The following CLASP1 variants were observed in gnomAD, a reference collection of about 807,000 sequenced individuals.
CLASP1 encodes the protein cytoplasmic linker associated protein 1.
A neutral mutation model predicts 192.3 loss-of-function variants in CLASP1; 38 were observed. That is an observed-to-expected ratio of 0.20 (90% CI 0.15 to 0.26). CLASP1 has a LOEUF of 0.26. CLASP1 is among the 10% of genes least tolerant of loss of function. The pLI is 1.00. For missense variants in CLASP1, 1,433 were observed against 1,932.5 expected, an observed-to-expected ratio of 0.74 and a Z score of 4.85; for synonymous variants, 691 against 712.8, an observed-to-expected ratio of 0.97 and a Z score of 0.49.
At chr2:121,524,534 G>A (rs754388272) in intron 6 of CLASP1, among the ~76,000 whole-genome samples, 1 of 150,982 alleles carries the variant, frequency 6.6e-6, no homozygotes, top group Non-Finnish European at 1.5e-5. Context: ...TTGGCTCACT[G>A]TAACCTCTGC....
At chr2:121,479,035 A>C (rs866741980) in intron 8 of CLASP1, among the ~76,000 whole-genome samples, 22 of 45,726 alleles carry the variant, frequency 4.8e-4, no homozygotes, top group South Asian at 1.6e-3. Flanking sequence ...CACACACCCC[A>C]CACACACACA....
rs2077291414 is a variant in CLASP1 at position 121,408,900 on chromosome 2, C to A, written c.2425-1185G>T. ...ATGATGGTGAATCACTGTTATGATT[C>A]AACAAAATCATATTTCAGACCAGAA... On this transcript the variant is annotated intron_variant, in intron 24 of 39. Transcript: ENST00000263710. 4 of 771,286 alleles carry A rather than the reference C, an allele frequency of 5.2e-6. No homozygotes were observed. The Admixed American group carries it at 1.1e-4, about 21-fold the overall frequency. The allele number at this position is 771,286 out of a possible 1,614,324, so 47.8% of individuals were successfully genotyped here.
chr2:121,346,166 C>T (rs1472400543), intron 39 of CLASP1, among the ~76,000 whole-genome samples: 1 of 152,328 alleles, frequency 6.6e-6, no homozygotes, highest in East Asian at 1.9e-4. Flanking sequence ...CCACTGGCTT[C>T]GTTTGATAGA....
chr2:121,424,284 T>C (rs1033676473), intron 22 of CLASP1, among the ~76,000 whole-genome samples: 1 of 152,242 alleles, frequency 6.6e-6, no homozygotes, highest in Non-Finnish European at 1.5e-5. Flanking sequence ...ATCTATCTCA[T>C]GTATCTTCTA....
At chr2:121,403,763 C>G (rs771881947) in intron 26 of CLASP1, 2 of 469,586 alleles carry the variant, frequency 4.3e-6, no homozygotes, top group Non-Finnish European at 8.6e-6. Context: ...GGGCATTTCC[C>G]CCTCAGCTGG....
At chr2:121,605,797 G>A in exon 2 of CLASP1, 1 of 1,614,010 alleles carries the variant, frequency 6.2e-7, no homozygotes, top group Non-Finnish European at 8.5e-7. Context: ...ACTTCTGTTT[G>A]TCTGAGAAAT....
intron 2 of CLASP1, among the ~76,000 whole-genome samples, chr2:121,574,327 CAAAA>C (rs35418553): frequency 8.3e-6 from 1 of 120,758 alleles, no homozygotes; most frequent in Non-Finnish European, 1.8e-5. Context: ...GACTCCATCT[CAAAA>C]AAAAAAAAAA....
rs2062863115 is a variant in CLASP1, at chr2:121,594,434, C to T, written c.195+11267G>A. Reference sequence around the variant, plus strand: ...AAGAGACGGAGTCTTGCTCTGTTGCCCAGGCTGGAGTGCAGTGGCATGATC... The same window carrying T: ...AAGAGACGGAGTCTTGCTCTGTTGCTCAGGCTGGAGTGCAGTGGCATGATC... On this transcript the variant is annotated intron_variant, in intron 2 of 39. Coordinates refer to ENST00000263710, the Ensembl canonical transcript of CLASP1. Among the ~76,000 whole-genome samples, 4 of 150,746 alleles carry T rather than the reference C, an allele frequency of 2.7e-5. No homozygotes were observed. The South Asian group carries it at 6.3e-4, about 24-fold the overall frequency.
At chr2:121,643,284 G>GA (rs1225186588) in intron 1 of CLASP1, among the ~76,000 whole-genome samples, 1 of 152,140 alleles carries the variant, frequency 6.6e-6, no homozygotes, top group Non-Finnish European at 1.5e-5. Flanking sequence ...TAAAGGAAAG[G>GA]AGGAAATCTG....
At chr2:121,611,480 CGTT>C in intron 1 of CLASP1, among the ~76,000 whole-genome samples, 1 of 67,522 alleles carries the variant, frequency 1.5e-5, no homozygotes, top group African/African-American at 6.0e-5. Flanking sequence ...GAGGAGGAGG[CGTT>C]GGAGGAGTTA....
intron 2 of CLASP1, among the ~76,000 whole-genome samples, chr2:121,602,177 A>AG (rs1231834862): frequency 2.0e-5 from 3 of 151,348 alleles, no homozygotes; most frequent in Non-Finnish European, 4.4e-5. Flanking sequence ...TCCATCTCAA[A>AG]AAAAAAAAAA....
chr2:121,502,317 A>C (rs1273288349), intron 8 of CLASP1, among the ~76,000 whole-genome samples: 2 of 152,234 alleles, frequency 1.3e-5, no homozygotes, highest in South Asian at 4.1e-4. Flanking sequence ...TCCTGCTCTC[A>C]TGAGTAAACA....
chr2:121,522,902 T>C (rs2094490433), intron 6 of CLASP1, among the ~76,000 whole-genome samples: 1 of 152,240 alleles, frequency 6.6e-6, no homozygotes, highest in Admixed American at 6.5e-5. Context: ...AGGTGCATGA[T>C]TTCTGCAAAT....
Position 121,387,751 on chromosome 2 carries a change from C to A in CLASP1, c.3267+12G>T. 1 of 1,613,830 alleles carries A rather than the reference C, an allele frequency of 6.2e-7. No individual in the cohort carries two copies. The highest frequency in any genetic ancestry group is 1.1e-5 in the South Asian group (1 of 91,062). On this transcript the variant is annotated intron_variant, in intron 31 of 39. Coordinates refer to ENST00000263710, the Ensembl canonical transcript of CLASP1. ...ACATCACATAGGCACCAATCGTGAC[C>A]AAAGCACTCACCACACTGGTGTTAC...
intron 33 of CLASP1, among the ~76,000 whole-genome samples, chr2:121,381,233 T>TG (rs1397274264): frequency 6.6e-6 from 1 of 152,220 alleles, no homozygotes; most frequent in East Asian, 1.9e-4. Context: ...TGTAGATTAT[T>TG]TGTATTCCAC....
At chr2:121,377,250 T>C (rs540109696) in intron 34 of CLASP1, among the ~76,000 whole-genome samples, 1 of 152,346 alleles carries the variant, frequency 6.6e-6, no homozygotes, top group African/African-American at 2.4e-5. Context: ...AAATGATAAA[T>C]GAGGTGATGG....
intron 2 of CLASP1, among the ~76,000 whole-genome samples, chr2:121,563,998 C>G (rs2059308782): frequency 6.6e-6 from 1 of 152,120 alleles, no homozygotes; most frequent in Non-Finnish European, 1.5e-5. Context: ...CAGGGAAACT[C>G]CCATTTTTAA....
chr2:121,608,567 CAT>C (rs1470349171), intron 1 of CLASP1, among the ~76,000 whole-genome samples: 1 of 152,170 alleles, frequency 6.6e-6, no homozygotes, highest in Non-Finnish European at 1.5e-5. Context: ...AACTGCCAGA[CAT>C]GTGAGTGAGG....
intron 33 of CLASP1, among the ~76,000 whole-genome samples, chr2:121,381,465 C>T (rs997395221): frequency 2.6e-5 from 4 of 152,078 alleles, no homozygotes; most frequent in Non-Finnish European, 5.9e-5. Context: ...CCCAAGAGAC[C>T]CTGAAATAGA....
Sources: gnomAD v4.1 joint callset for allele counts (sites outside exome capture counted in the v4.1 genomes callset) on GRCh38, gnomAD v4.1.1 for gene constraint, MANE v1.5 for transcripts, NCBI Gene and HGNC (gene_info 2026-07-23, HGNC 2026-07-21) for gene names.